BUB1: variants seen among roughly 807,000 people sequenced by gnomAD.
The protein encoded by BUB1 is mitotic checkpoint serine/threonine-protein kinase BUB1.
Under a neutral mutation model 135.2 loss-of-function variants are expected in BUB1, and 84 were observed. The observed-to-expected ratio is 0.62, with a 90% CI of 0.52 to 0.74. The LOEUF (loss-of-function observed/expected upper bound fraction) is 0.74. Ranked by LOEUF, BUB1 falls within the 30% of genes least tolerant of loss-of-function variation. BUB1 has a pLI of 0.00. For synonymous variants in BUB1, 403 were observed against 434.4 expected (o/e 0.93, Z 0.90); for missense variants, 1,162 against 1,288.3 (o/e 0.90, Z 1.50).
chr2:110,653,333 G>T, intron 17 of BUB1, 103 bp downstream of exon 17: 1 of 1,141,572 alleles, frequency 8.8e-7, no homozygotes, highest in Non-Finnish European at 1.3e-6. Context: ...GCTAAAATTA[G>T]GTATTCTATT....
At chr2:110,649,067 A>G in intron 19 of BUB1, 167 bp downstream of exon 19, 1 of 568,286 alleles carries the variant, frequency 1.8e-6, no homozygotes, top group Non-Finnish European at 2.9e-6. Context: ...GCACAATCCT[A>G]CAATCATGGC....
chr2:110,666,563 T>C, intron 8 of BUB1, 149 bp from the exon 9 acceptor site: 2 of 532,764 alleles, frequency 3.8e-6, no homozygotes, highest in Non-Finnish European at 5.7e-6. Flanking sequence ...AAACTTGTAT[T>C]ACCTTTTAAT....
At chr2:110,654,401 C>T (rs1216635553) in intron 16 of BUB1, among the ~76,000 whole-genome samples, 2 of 151,848 alleles carry the variant, frequency 1.3e-5, no homozygotes, top group African/African-American at 4.8e-5. Context: ...AACAGAAATA[C>T]AGAATAAATT....
chr2:110,641,046 T>C lies in BUB1; in HGVS notation c.2943A>G (p.Pro981=), dbSNP rs766366353. ...TTTAGTTTTATACCTGGTAGTTCCA[T>C]GGTTTGTTGCTGAGCATCTCAACAC... ...FQCVEMLSNK[P]WNYQIDYFGV... Residue 981 remains proline, a synonymous_variant, in exon 23 of 25, where the codon CCA becomes CCG. Coordinates refer to ENST00000302759, the MANE Select transcript of BUB1 (RefSeq NM_004336.5). 1.1e-5 allele frequency: 18 copies of C among 1,580,194 alleles called. 1 individual carries two copies. The highest frequency in any genetic ancestry group is 3.5e-5 in the South Asian group (3 of 84,614).
intron 9 of BUB1, among the ~76,000 whole-genome samples, chr2:110,664,281 C>T (rs541234781): frequency 9.6e-4 from 146 of 152,036 alleles, no homozygotes; most frequent in Non-Finnish European, 1.2e-3. Context: ...AGATAAATAC[C>T]AGATACATCA....
chr2:110,664,007 A>C (rs749177982), intron 9 of BUB1, among the ~76,000 whole-genome samples: 12 of 147,276 alleles, frequency 8.1e-5, no homozygotes, highest in South Asian at 6.7e-4. Context: ...CCAGCCTGGG[A>C]GACAGTGAGA....
At chr2:110,666,526 T>C in intron 8 of BUB1, 112 bp from the exon 9 acceptor site, 1 of 815,756 alleles carries the variant, frequency 1.2e-6, no homozygotes, top group Non-Finnish European at 1.7e-6. Flanking sequence ...TTTTTATTAG[T>C]CTTTCTCATA....
intron 13 of BUB1, 41 bp from the exon 14 acceptor site, chr2:110,657,686 G>T (rs779121063): frequency 7.3e-7 from 1 of 1,375,406 alleles, no homozygotes; most frequent in Non-Finnish European, 9.9e-7. Flanking sequence ...ATTGTACTAG[G>T]AAAAAACATC....
chr2:110,665,058 GTTTCTACATGAT>G (rs1404977356), intron 9 of BUB1, among the ~76,000 whole-genome samples: 1 of 152,190 alleles, frequency 6.6e-6, no homozygotes, highest in African/African-American at 2.4e-5. Flanking sequence ...ATTTCTAACA[GTTTCTACATGAT>G]ACACTCCCTT....
chr2:110,641,459 G>T lies in BUB1; in HGVS notation c.2631C>A (p.Ala877=). ...ELYSYGTLLN[A]INLYKNTPEK... is the part of the protein sequence containing the mutation. ...CAGGGGTATTTTTATAGAGGTTAAT[G>T]GCATTCTAGGAACAATGGAAAGTGG... The change falls in exon 22 of 25, where the codon GCC becomes GCA. Residue 877 remains alanine (A), a synonymous_variant. Coordinates refer to ENST00000302759, the MANE Select transcript of BUB1 (RefSeq NM_004336.5). The T allele has an allele frequency of 6.2e-7, 1 of 1,605,358 alleles. No homozygotes were observed. Among genetic ancestry groups the T allele is most frequent in the Non-Finnish European group, 8.5e-7 (1 of 1,177,440 alleles).
intron 19 of BUB1, among the ~76,000 whole-genome samples, chr2:110,646,637 C>G (rs1390527065): frequency 1.3e-5 from 2 of 152,118 alleles, no homozygotes; most frequent in Non-Finnish European, 2.9e-5. Flanking sequence ...CCCCCAAATA[C>G]TTGGAGATTA....
intron 3 of BUB1, among the ~76,000 whole-genome samples, 171 bp from the exon 4 acceptor site, chr2:110,673,028 C>G (rs1398463840): frequency 6.6e-6 from 1 of 152,216 alleles, no homozygotes; most frequent in Non-Finnish European, 1.5e-5. Context: ...CACTGCTGAA[C>G]CTCCAGGGAG....
At chr2:110,667,395 G>C in intron 8 of BUB1, 126 bp downstream of exon 8, 1 of 1,032,944 alleles carries the variant, frequency 9.7e-7, no homozygotes, top group South Asian at 1.8e-5. Context: ...GCTTCTGATA[G>C]GATGAGATGA....
At chr2:110,671,270 T>C (rs1483751264) in intron 4 of BUB1, among the ~76,000 whole-genome samples, 3 of 152,332 alleles carry the variant, frequency 2.0e-5, no homozygotes, top group African/African-American at 7.2e-5. Flanking sequence ...CGAATAAGGC[T>C]CTGTAAGAAA....
intron 11 of BUB1, 70 bp downstream of exon 11, chr2:110,659,908 C>A (rs1690035088): frequency 1.5e-6 from 2 of 1,378,506 alleles, no homozygotes; most frequent in Non-Finnish European, 2.0e-6. Context: ...TAAACCACAG[C>A]CACAAAATAC....
At chr2:110,652,190 T>C (rs1301399897) in intron 17 of BUB1, among the ~76,000 whole-genome samples, 1 of 152,196 alleles carries the variant, frequency 6.6e-6, no homozygotes. Context: ...TAGTGATTTT[T>C]CAGTCATTTA....
chr2:110,665,616 CATACATAT>C (rs1452372951), intron 9 of BUB1, among the ~76,000 whole-genome samples: 2 of 149,400 alleles, frequency 1.3e-5, no homozygotes, highest in Non-Finnish European at 3.0e-5. Flanking sequence ...TGCATACATA[CATACATAT>C]ATACAAATGA....
intron 19 of BUB1, 95 bp downstream of exon 19, chr2:110,649,139 T>C (rs1689716327): frequency 2.4e-6 from 3 of 1,228,946 alleles, no homozygotes; most frequent in African/African-American, 3.1e-5. Flanking sequence ...GGGGGGCAAA[T>C]AGGAGAATCA....
chr2:110,670,126 GTTTTTTTTTTTTTT>G (rs377459142), intron 5 of BUB1, among the ~76,000 whole-genome samples: 15 of 120,860 alleles, frequency 1.2e-4, no homozygotes, highest in Non-Finnish European at 8.7e-5. Flanking sequence ...AATTGGATGG[GTTTTTTTTTTTTTT>G]TTTTTTTTTT....
Sources: allele counts gnomAD v4.1 joint callset (sites outside exome capture counted in the v4.1 genomes callset), GRCh38; gene constraint gnomAD v4.1.1; transcripts MANE v1.5; gene names NCBI Gene and HGNC (gene_info 2026-07-23, HGNC 2026-07-21).